Variants in RYR2 observed in about 807,000 individuals in gnomAD.
The protein encoded by RYR2 is ryanodine receptor 2.
In RYR2, 227 loss-of-function variants were observed where a neutral mutation model predicts 601.1. The ratio of observed to expected loss-of-function variants is 0.38; its 90% confidence interval spans 0.34 to 0.42. RYR2 has a LOEUF of 0.42. Among genes scored for constraint, RYR2 ranks in the 10% least tolerant of loss-of-function variants. The pLI is 1.00. For missense variants in RYR2, 4,646 were observed against 6,156.5 expected, an observed-to-expected ratio of 0.75 and a Z score of 8.21; for synonymous variants, 2,223 against 2,175.1, an observed-to-expected ratio of 1.02 and a Z score of -0.61.
chr1:237,539,884 C>T (rs1669067245), intron 25 of RYR2, among the ~76,000 whole-genome samples: 1 of 151,172 alleles, frequency 6.6e-6, no homozygotes, highest in Admixed American at 6.6e-5. Context: ...TTTTTGTGTA[C>T]ATCTTGCACA....
Position 237,566,638 on chromosome 1 carries a change from G to A in RYR2, c.3286G>A (p.Val1096Met), listed in dbSNP as rs1386531236. Residue 1096 changes from valine (V) to methionine (M), a missense_variant, in exon 28 of 105, where the codon GTG becomes ATG. Val to Met is a conservative substitution (Grantham distance 21). This residue lies in a region of RYR2 where 1,807 missense variants were observed against 2,088.1 expected (regional missense o/e 0.87). Coordinates refer to ENST00000366574, the MANE Select transcript of RYR2 (RefSeq NM_001035.3). ...RIFRAEKTYA[V>M]KAGRWYFEFE... is the part of the protein sequence containing the mutation. ...CTTCCGTGCCGAGAAGACCTATGCA[G>A]TGAAGGCCGGACGGTGGTATTTTGA... The A allele has an allele frequency of 6.2e-7, 1 of 1,614,020 alleles. No individual in the cohort carries two copies. Among genetic ancestry groups the A allele is most frequent in the Non-Finnish European group, 8.5e-7 (1 of 1,179,884 alleles).
intron 11 of RYR2, among the ~76,000 whole-genome samples, chr1:237,419,376 G>A (rs1705332518): frequency 6.6e-6 from 1 of 151,626 alleles, no homozygotes; most frequent in Non-Finnish European, 1.5e-5. Context: ...TTGATGAGCT[G>A]TGACTACATA....
At chr1:237,053,876 T>A (rs2148166555) in intron 1 of RYR2, among the ~76,000 whole-genome samples, 1 of 152,284 alleles carries the variant, frequency 6.6e-6, no homozygotes, top group Non-Finnish European at 1.5e-5. Context: ...AGTCACAGAA[T>A]TCTCAGACTG....
intron 77 of RYR2, 105 bp from the exon 78 acceptor site, chr1:237,731,941 C>T (rs1187531283): frequency 8.0e-6 from 5 of 621,804 alleles, no homozygotes; most frequent in East Asian, 3.0e-5. Flanking sequence ...GAAGGAGGAA[C>T]GTTCGCATTC....
At chr1:237,416,971 T>A in intron 10 of RYR2, 78 bp from the exon 11 acceptor site, 4 of 1,300,934 alleles carry the variant, frequency 3.1e-6, no homozygotes, top group Non-Finnish European at 4.4e-6. Context: ...TCTCTCCTAA[T>A]TAGCTTCAAA....
intron 21 of RYR2, among the ~76,000 whole-genome samples, chr1:237,503,047 A>G (rs1318326053): frequency 1.3e-5 from 2 of 152,130 alleles, no homozygotes; most frequent in African/African-American, 4.8e-5. Context: ...TGATGTCTTC[A>G]CTGACCCATT....
intron 38 of RYR2, among the ~76,000 whole-genome samples, chr1:237,623,395 T>TC (rs1679297351): frequency 8.2e-4 from 11 of 13,368 alleles, no homozygotes; most frequent in African/African-American, 1.4e-3. Context: ...TTTTTTTTTT[T>TC]TTTTTTTTTT....
intron 58 of RYR2, among the ~76,000 whole-genome samples, chr1:237,673,252 C>T (rs150670246): frequency 2.0e-5 from 3 of 152,174 alleles, no homozygotes; most frequent in East Asian, 3.9e-4. Context: ...CCATGCTATT[C>T]GGTTTGCTGC....
intron 1 of RYR2, among the ~76,000 whole-genome samples, chr1:237,073,498 G>C (rs1048423894): frequency 6.6e-6 from 1 of 152,194 alleles, no homozygotes; most frequent in East Asian, 1.9e-4. Flanking sequence ...GCCCCTCTGA[G>C]TTGAGATGTG....
chr1:237,657,932 CT>C lies in RYR2; in HGVS notation c.8130-8del, dbSNP rs1178652543. 7.0e-7 allele frequency: 1 copy of C among 1,422,176 alleles called. No individual in the cohort carries two copies. Among genetic ancestry groups the C allele is most frequent in the South Asian group, 1.4e-5 (1 of 73,474 alleles). The allele number at this position is 1,422,176 out of a possible 1,614,324, so 88.1% of individuals were successfully genotyped here. A position where few individuals can be genotyped will look rare whatever the true frequency, so the allele number is the denominator to read the frequency against. On this transcript the variant is annotated splice_polypyrimidine_tract_variant and intron_variant, in intron 53 of 104. Coordinates refer to ENST00000366574, the MANE Select transcript of RYR2 (RefSeq NM_001035.3). Reference sequence around the variant, plus strand: ...TGAAAATCAAGCTCTTTTGTCTTTACTTTTCTCATAGTATTACAATTCCTGA... The same window carrying C: ...TGAAAATCAAGCTCTTTTGTCTTTACTTTCTCATAGTATTACAATTCCTGA...
At chr1:237,546,976 C>CATATATATATATATATATAT (rs558814390) in intron 25 of RYR2, among the ~76,000 whole-genome samples, 2,116 of 96,732 alleles carry the variant, frequency 0.022, 104 homozygotes, top group Non-Finnish European at 0.034. Context: ...TTTTCAAAAG[C>CATATATATATATATATATAT]ATATATATAT....
intron 4 of RYR2, among the ~76,000 whole-genome samples, chr1:237,357,679 A>G (rs1558678744): frequency 1.3e-5 from 2 of 152,132 alleles, no homozygotes; most frequent in Non-Finnish European, 2.9e-5. Flanking sequence ...TTCTAGTTCT[A>G]AGGAAATATC....
intron 1 of RYR2, among the ~76,000 whole-genome samples, chr1:237,070,626 T>C (rs4609414): frequency 0.78 from 118,634 of 152,026 alleles, 46,803 homozygotes; most frequent in East Asian, 0.98. Flanking sequence ...TTTGCACTAC[T>C]GTCCCAGATC....
chr1:237,595,514 T>A lies in RYR2; in HGVS notation c.4453T>A (p.Cys1485Ser). 6.2e-7 allele frequency: 1 copy of A among 1,608,748 alleles called. No homozygotes were observed. Residue 1485 changes from cysteine to serine, a missense_variant, in exon 34 of 105, where the codon TGC (cysteine) becomes AGC (serine). This residue lies in a region of RYR2 where 1,807 missense variants were observed against 2,088.1 expected (regional missense o/e 0.87). Coordinates refer to ENST00000366574, the MANE Select transcript of RYR2 (RefSeq NM_001035.3). ...GAAATTCAGCATCAAACGCAGCAACTGCTATATGGTATGTGCGGGTGAGAG... is the reference window on the plus strand; with the variant it reads ...GAAATTCAGCATCAAACGCAGCAACAGCTATATGGTATGTGCGGGTGAGAG... ...KVHESIKRSN[C>S]YMVCAGESMS...
chr1:237,594,240 A>C (rs188148097), intron 33 of RYR2, among the ~76,000 whole-genome samples: 1 of 152,176 alleles, frequency 6.6e-6, no homozygotes, highest in Non-Finnish European at 1.5e-5. Flanking sequence ...AGAATAAGAC[A>C]AGAGAAGATC....
At chr1:237,429,903 C>G (rs1223436377) in intron 12 of RYR2, among the ~76,000 whole-genome samples, 1 of 151,892 alleles carries the variant, frequency 6.6e-6, no homozygotes, top group African/African-American at 2.4e-5. Context: ...AAAAGTCACA[C>G]ATTTGCAATA....
intron 80 of RYR2, chr1:237,743,616 G>A (rs1220278442): frequency 3.9e-6 from 2 of 518,742 alleles, no homozygotes; most frequent in Admixed American, 1.9e-5. Context: ...GGATCCCAAC[G>A]CAGCAAGGTA....
chr1:237,531,470 G>A (rs1168593232), intron 25 of RYR2, among the ~76,000 whole-genome samples: 1 of 152,068 alleles, frequency 6.6e-6, no homozygotes, highest in Non-Finnish European at 1.5e-5. Context: ...TGATGTGCAG[G>A]ACTTGTAAGT....
At chr1:237,328,040 T>A (rs1392680756) in intron 2 of RYR2, among the ~76,000 whole-genome samples, 3 of 152,212 alleles carry the variant, frequency 2.0e-5, no homozygotes. Flanking sequence ...AAGGGTTGAT[T>A]GTTAGATATT....
Sources: allele counts gnomAD v4.1 joint callset (sites outside exome capture counted in the v4.1 genomes callset), GRCh38; gene constraint gnomAD v4.1.1; regional missense constraint gnomAD v4.1.1; transcripts MANE v1.5; gene names NCBI Gene and HGNC (gene_info 2026-07-23, HGNC 2026-07-21).